The following IL27 variants were observed in gnomAD, a reference collection of about 807,000 sequenced individuals.
IL27 encodes the protein interleukin 27.
Under a neutral mutation model 27.0 loss-of-function variants are expected in IL27, and 11 were observed. The ratio of observed to expected loss-of-function variants is 0.41; its 90% CI spans 0.26 to 0.67. The LOEUF (loss-of-function observed/expected upper bound fraction) is 0.67, where lower values mean the gene tolerates loss of function less well. Among genes scored for constraint, IL27 ranks in the 30% least tolerant of loss-of-function variants. The pLI is 0.34. For synonymous variants in IL27, 134 were observed against 140.6 expected, an observed-to-expected ratio of 0.95 and a Z score of 0.33; for missense variants, 299 against 310.4, an observed-to-expected ratio of 0.96 and a Z score of 0.28.
chr16:28,499,720 C>G lies in IL27; in HGVS notation c.663G>C (p.Leu221Phe), dbSNP rs2046419380. The change falls in exon 5 of 5, where the codon TTG becomes TTC. Residue 221 changes from leucine (L) to phenylalanine (F), a missense_variant. Transcript: ENST00000356897. ...AGTGCCCAGCCTTGGACAGCAGCAG[C>G]AACTCCCGCACGGCCCGAGATAAGA... Reference protein sequence around the residue: ...ELVLSRAVRELLLLSKAGHSV... With the variant: ...ELVLSRAVREFLLLSKAGHSV... 1 of 1,613,676 alleles carries G rather than the reference C, an allele frequency of 6.2e-7. No homozygotes were observed. Among genetic ancestry groups the G allele is most frequent in the Non-Finnish European group, 8.5e-7 (1 of 1,179,874 alleles).
chr16:28,499,819 G>A lies in IL27; in HGVS notation c.564C>T (p.Ala188=). The A allele has an allele frequency of 6.3e-7, 1 of 1,593,110 alleles. No homozygotes were observed. Among genetic ancestry groups the A allele is most frequent in the Non-Finnish European group, 8.5e-7 (1 of 1,170,190 alleles). The change falls in exon 5 of 5, where the codon GCC becomes GCT. Residue 188 remains alanine, a synonymous_variant. Transcript: ENST00000356897. ...KGLLPGALGS[A]LQGPAQVSWP... Reference sequence around the variant, plus strand: ...AGGACACCTGGGCCGGGCCCTGTAAGGCGCTGCCCAGTGCCCCTGGGAGCA... The same window carrying A: ...AGGACACCTGGGCCGGGCCCTGTAAAGCGCTGCCCAGTGCCCCTGGGAGCA...
chr16:28,499,717 C>A lies in IL27; in HGVS notation c.666G>T (p.Leu222=). The change falls in exon 5 of 5, where the codon CTG becomes CTT. Residue 222 remains leucine (L), a synonymous_variant. Coordinates refer to ENST00000356897, the MANE Select transcript of IL27 (RefSeq NM_145659.3). Reference sequence around the variant, plus strand: ...CTGAGTGCCCAGCCTTGGACAGCAGCAGCAACTCCCGCACGGCCCGAGATA... The same window carrying A: ...CTGAGTGCCCAGCCTTGGACAGCAGAAGCAACTCCCGCACGGCCCGAGATA... ...LVLSRAVREL[L]LLSKAGHSVW... is the part of the protein sequence containing the mutation. 6.2e-7 allele frequency: 1 copy of A among 1,613,664 alleles called. No homozygotes were observed. The highest frequency in any genetic ancestry group is 8.5e-7 in the Non-Finnish European group (1 of 1,179,870).
At chr16:28,501,876 C>A in intron 4 of IL27, 100 bp downstream of exon 4, 1 of 1,385,702 alleles carries the variant, frequency 7.2e-7, no homozygotes. Context: ...CACACTCACA[C>A]TCTCACACTC....
chr16:28,503,791 C>T lies in IL27; in HGVS notation c.207G>A (p.Ala69=), dbSNP rs764917281. 25 of 1,612,990 alleles carry T rather than the reference C, an allele frequency of 1.5e-5. No individual in the cohort carries two copies. The highest frequency in any genetic ancestry group is 2.2e-5 in the East Asian group (1 of 44,848). ...GGTTCACTCCTGGCAGGTGAGATTC[C>T]GCCTGGGGGGCAAGGTCTGTTAGTG... ...SEVRGQAHRF[A]ESHLPGVNLY... The change falls in exon 3 of 5, where the codon GCG becomes GCA. Residue 69 remains alanine, a splice_region_variant and synonymous_variant. Transcript: ENST00000356897.
Position 28,504,066 on chromosome 16 carries a change from GA to G in IL27, c.32-17del, listed in dbSNP as rs2046448613. ...AGGCTGAGCCCTGGAGAGATGGGAA[GA>G]GGGTGGCAAGACAGGGAGAGAGCTT... is the stretch of plus-strand genomic sequence containing the variant. On this transcript the variant is annotated splice_polypyrimidine_tract_variant and intron_variant, in intron 1 of 4. Transcript: ENST00000356897. 1 of 1,576,238 alleles carries G rather than the reference GA, an allele frequency of 6.3e-7. No homozygotes were observed. The highest frequency in any genetic ancestry group is 1.4e-5 in the African/African-American group (1 of 73,778).
chr16:28,504,178 C>T, intron 1 of IL27, 128 bp from the exon 2 acceptor site: 1 of 962,250 alleles, frequency 1.0e-6, no homozygotes, highest in South Asian at 1.8e-5. Context: ...TCCTCTGCCT[C>T]CTCAAAACCA....
Position 28,506,790 on chromosome 16 carries a change from G to C in IL27, c.22C>G (p.Leu8Val), listed in dbSNP as rs560019811. MGQTAGD[L>V]GWRLSLLLLP... ...CTGGCTTCAAACTCACGCCAGCCAA[G>C]GTCGCCTGCCGTCTGGCCCATGGCG... is the stretch of plus-strand genomic sequence containing the variant. Residue 8 changes from leucine (L) to valine (V), a missense_variant, in exon 1 of 5, where the codon CTT (leucine) becomes GTT (valine). Coordinates refer to ENST00000356897, the MANE Select transcript of IL27 (RefSeq NM_145659.3). 2 of 1,612,022 alleles carry C rather than the reference G, an allele frequency of 1.2e-6. No individual in the cohort carries two copies. The highest frequency in any genetic ancestry group is 1.3e-5 in the African/African-American group (1 of 74,930).
intron 1 of IL27, among the ~76,000 whole-genome samples, chr16:28,504,748 CT>C (rs2046452509): frequency 1.3e-5 from 2 of 151,934 alleles, no homozygotes. Context: ...CTGTGCCTAA[CT>C]GTTTCTATTT....
Position 28,499,652 on chromosome 16 carries a change from C to G in IL27, c.731G>C (p.Ter244SerextTer5), listed in dbSNP as rs2046418948. Reference sequence around the variant, plus strand: ...GGCAGGGGGCTAAGAAGCCACCGATCAGGGCTGGGGGCTCAATGTTGGGAA... The same window carrying G: ...GGCAGGGGGCTAAGAAGCCACCGATGAGGGCTGGGGGCTCAATGTTGGGAA... Reference protein sequence around the residue: ...LGFPTLSPQP* With the variant: ...LGFPTLSPQPS The change falls in exon 5 of 5, where the codon TGA becomes TCA. Residue 244 changes from the stop codon to serine, a stop_lost. Transcript: ENST00000356897. 1.2e-6 allele frequency: 2 copies of G among 1,608,204 alleles called. No individual in the cohort carries two copies. The highest frequency in any genetic ancestry group is 2.7e-5 in the African/African-American group (2 of 74,788).
At chr16:28,503,638 C>T in intron 3 of IL27, 57 bp downstream of exon 3, 2 of 1,307,896 alleles carry the variant, frequency 1.5e-6, no homozygotes, top group African/African-American at 1.5e-5. Context: ...CCTCATCTTG[C>T]ACCCTGGCCC....
rs749773830 is a variant in IL27, at chr16:28,506,801, G to A, written c.11C>T (p.Thr4Met). ...CTCACGCCAGCCAAGGTCGCCTGCC[G>A]TCTGGCCCATGGCGGGGCCCAGCCT... is the stretch of plus-strand genomic sequence containing the variant. MGQ[T>M]AGDLGWRLSL... The change falls in exon 1 of 5, where the codon ACG (threonine) becomes ATG (methionine). Residue 4 changes from threonine (T) to methionine (M), a missense_variant. Physicochemically the swap from Thr to Met is moderately conservative, Grantham distance 81 (BLOSUM62 -1). Transcript: ENST00000356897. 102 of 1,611,930 alleles carry A rather than the reference G, an allele frequency of 6.3e-5. No individual in the cohort carries two copies. The South Asian group carries it at 7.9e-4, about 13-fold the overall frequency.
rs17855750 is a variant in IL27 at position 28,503,907 on chromosome 16, A to T, written c.175T>A (p.Ser59Thr). 1.9e-6 allele frequency: 3 copies of T among 1,614,038 alleles called. No homozygotes were observed. The highest frequency in any genetic ancestry group is 3.3e-5 in the Admixed American group (2 of 59,994). The part of the protein sequence containing the change: ...VSLHLARKLL[S>T]EVRGQAHRFA... ...CGGTGGGCCTGGCCCCGAACCTCGG[A>T]GAGCAGCTTCCTGGCGAGATGCAGG... The change falls in exon 2 of 5, where the codon TCC becomes ACC. Residue 59 changes from serine (S) to threonine (T), a missense_variant. By Grantham distance (58) the Ser-to-Thr change is moderately conservative. Transcript: ENST00000356897.
chr16:28,502,165 C>G (rs1362611273), intron 3 of IL27, 31 bp from the exon 4 acceptor site: 2 of 1,555,854 alleles, frequency 1.3e-6, no homozygotes, highest in Admixed American at 3.9e-5. Context: ...CAGGAAAGGT[C>G]CACAGGCCAA....
At chr16:28,500,887 A>G (rs894302203) in intron 4 of IL27, among the ~76,000 whole-genome samples, 1 of 152,072 alleles carries the variant, frequency 6.6e-6, no homozygotes, top group Non-Finnish European at 1.5e-5. Context: ...ACTCATTCCC[A>G]TACAGTCACA....
In IL27 at chr16:28,499,622, T is replaced by C. The variant is rs563825510; in HGVS notation, c.*29A>G. 9.5e-6 allele frequency: 14 copies of C among 1,469,672 alleles called. No homozygotes were observed. Among genetic ancestry groups the C allele is most frequent in the Non-Finnish European group, 1.3e-5 (14 of 1,101,996 alleles). 91.0% of individuals were successfully genotyped at this position (1,469,672 alleles called of 1,614,324 possible). ...ACTCCAGTCCTAAAGTTCTAAAGGGTGGGGGGCAGGGGGCTAAGAAGCCAC... is the reference window on the plus strand; with the variant it reads ...ACTCCAGTCCTAAAGTTCTAAAGGGCGGGGGGCAGGGGGCTAAGAAGCCAC... On this transcript the variant is annotated 3_prime_UTR_variant, in exon 5 of 5. Coordinates refer to ENST00000356897, the MANE Select transcript of IL27 (RefSeq NM_145659.3).
At chr16:28,506,297 G>A (rs1449529356) in intron 1 of IL27, among the ~76,000 whole-genome samples, 1 of 152,140 alleles carries the variant, frequency 6.6e-6, no homozygotes, top group African/African-American at 2.4e-5. Context: ...TAGCCCCTGA[G>A]TTCTGCAGCC....
chr16:28,503,686 C>G lies in IL27; in HGVS notation c.303+9G>C. On this transcript the variant is annotated intron_variant, in intron 3 of 4. Coordinates refer to ENST00000356897, the MANE Select transcript of IL27 (RefSeq NM_145659.3). ...AGCTTCCCGCCCCACTCCACCAGCC[C>G]TCACTCACAGAGAGGCGGCGCCAGG... 6.3e-7 allele frequency: 1 copy of G among 1,598,642 alleles called. No individual in the cohort carries two copies. The highest frequency in any genetic ancestry group is 8.5e-7 in the Non-Finnish European group (1 of 1,171,168).
chr16:28,501,553 C>T, intron 4 of IL27, among the ~76,000 whole-genome samples: 1 of 119,006 alleles, frequency 8.4e-6, no homozygotes, highest in African/African-American at 3.0e-5. Flanking sequence ...CACACTCATA[C>T]AGCCCCCCCA....
intron 1 of IL27, 54 bp downstream of exon 1, chr16:28,506,727 G>C: frequency 1.3e-6 from 2 of 1,586,230 alleles, no homozygotes; most frequent in Non-Finnish European, 1.7e-6. Context: ...AGCCAAGCTC[G>C]TCCATTCTCT....
Sources: gnomAD v4.1 joint callset for allele counts (sites outside exome capture counted in the v4.1 genomes callset) on GRCh38, gnomAD v4.1.1 for gene constraint, MANE v1.5 for transcripts, NCBI Gene and HGNC (gene_info 2026-07-23, HGNC 2026-07-21) for gene names.